Variants in PAPSS2 observed in about 807,000 individuals in gnomAD.
PAPSS2 encodes bifunctional 3'-phosphoadenosine 5'-phosphosulfate synthase 2.
In PAPSS2, 61 loss-of-function variants were observed where a neutral mutation model predicts 66.5. The observed-to-expected ratio is 0.92, with a 90% CI of 0.75 to 1.14. PAPSS2 has a LOEUF of 1.14. PAPSS2 is among the 50% of genes most tolerant of loss of function. The probability of loss-of-function intolerance (pLI) is 0.00; values close to 1 mark genes in which losing one functional copy is unlikely to be tolerated. For synonymous variants in PAPSS2, 289 were observed against 287.5 expected (o/e 1.01, Z -0.05); for missense variants, 708 against 789.6 (o/e 0.90, Z 1.24).
chr10:87,734,400 T>C (rs1416724213), intron 9 of PAPSS2, among the ~76,000 whole-genome samples: 2 of 151,946 alleles, frequency 1.3e-5, no homozygotes, highest in Non-Finnish European at 2.9e-5. Flanking sequence ...TTCATACCTG[T>C]GACAGGTGAA....
At chr10:87,681,523 C>G (rs886483915) in intron 1 of PAPSS2, among the ~76,000 whole-genome samples, 9 of 152,098 alleles carry the variant, frequency 5.9e-5, no homozygotes, top group Non-Finnish European at 1.3e-4. Context: ...AATGAAAAGA[C>G]TTTTCTTAGA....
chr10:87,713,284 AC>A lies in PAPSS2; in HGVS notation c.357del (p.Ser120AlafsTer29). 1 of 1,360,958 alleles carries A rather than the reference AC, an allele frequency of 7.3e-7. No homozygotes were observed. The highest frequency in any genetic ancestry group is 1.0e-6 in the Non-Finnish European group (1 of 980,676). 84.3% of individuals were successfully genotyped at this position (1,360,958 alleles called of 1,614,324 possible). On this transcript the variant is annotated frameshift_variant, in exon 3 of 13. Coordinates refer to ENST00000456849, the MANE Select transcript of PAPSS2 (RefSeq NM_001015880.2). LOFTEE classifies it high-confidence loss of function. ...LFADAGLVCI[T>X]SFISPFAKDR... Reference sequence around the variant, plus strand: ...TGCTGATGCTGGTCTGGTCTGCATTACCAGCTTTATTTCTCCATTCGCAAAG... The same window carrying A: ...TGCTGATGCTGGTCTGGTCTGCATTACAGCTTTATTTCTCCATTCGCAAAG...
At chr10:87,712,158 C>T (rs1853469903) in intron 2 of PAPSS2, among the ~76,000 whole-genome samples, 1 of 152,170 alleles carries the variant, frequency 6.6e-6, no homozygotes, top group Non-Finnish European at 1.5e-5. Context: ...ATCTTTACAC[C>T]TAAGAGTGTG....
At chr10:87,696,995 GTAC>G (rs1419777456) in intron 1 of PAPSS2, among the ~76,000 whole-genome samples, 1 of 152,100 alleles carries the variant, frequency 6.6e-6, no homozygotes, top group Admixed American at 6.5e-5. Flanking sequence ...ACTGAAGTCC[GTAC>G]TTTCTTTAGA....
At position 87,701,332 on chromosome 10, in the gene PAPSS2, CTTTCTTTCTTT is replaced by C. The variant is rs1564716693; in HGVS notation, c.28-7863_28-7853del. The stretch of plus-strand genomic sequence containing the variant: ...CCTTCCTTCCTTCCTTCCTTCCTTT[CTTTCTTTCTTT>C]CTTTCTTTCTTTCTTTCTTTCTTTC... On this transcript the variant is annotated intron_variant, in intron 1 of 12. Coordinates refer to ENST00000456849, the MANE Select transcript of PAPSS2 (RefSeq NM_001015880.2). Among the ~76,000 whole-genome samples, 294 of 50,982 alleles carry C rather than the reference CTTTCTTTCTTT, an allele frequency of 5.8e-3. 1 individual carries two copies. Among genetic ancestry groups the C allele is most frequent in the Middle Eastern group, 8.8e-3 (1 of 114 alleles). The allele number at this position is 50,982 out of a possible 152,430, so 33.4% of individuals were successfully genotyped here.
At chr10:87,729,272 C>T (rs1853699722) in intron 9 of PAPSS2, among the ~76,000 whole-genome samples, 1 of 151,442 alleles carries the variant, frequency 6.6e-6, no homozygotes, top group African/African-American at 2.4e-5. Context: ...TTTGTGTCAA[C>T]CCTGCACTGA....
chr10:87,678,425 TA>T (rs1432083513), intron 1 of PAPSS2, among the ~76,000 whole-genome samples: 1 of 152,114 alleles, frequency 6.6e-6, no homozygotes, highest in Admixed American at 6.6e-5. Flanking sequence ...CATAGACACC[TA>T]AAACGAAAAT....
intron 1 of PAPSS2, among the ~76,000 whole-genome samples, chr10:87,703,174 A>C (rs975996864): frequency 2.0e-5 from 3 of 152,202 alleles, no homozygotes; most frequent in African/African-American, 7.2e-5. Flanking sequence ...GGACAAGGGC[A>C]GTAAGTTTGC....
chr10:87,725,865 T>A (rs1037132853), intron 8 of PAPSS2, among the ~76,000 whole-genome samples: 1 of 118,896 alleles, frequency 8.4e-6, no homozygotes, highest in Non-Finnish European at 1.7e-5. Context: ...CCAGCTAATT[T>A]AAAAAAAATA....
At chr10:87,679,958 C>T (rs1852998250) in intron 1 of PAPSS2, among the ~76,000 whole-genome samples, 1 of 148,714 alleles carries the variant, frequency 6.7e-6, no homozygotes, top group Admixed American at 6.8e-5. Context: ...ACTCGAAGGT[C>T]AAGGCTGCAG....
At chr10:87,718,399 T>C (rs1255025416) in intron 7 of PAPSS2, among the ~76,000 whole-genome samples, 2 of 152,180 alleles carry the variant, frequency 1.3e-5, no homozygotes, top group Non-Finnish European at 2.9e-5. Context: ...TTATTATTGC[T>C]CCCACTTTCC....
intron 1 of PAPSS2, among the ~76,000 whole-genome samples, chr10:87,679,427 G>A (rs955031623): frequency 3.9e-5 from 6 of 152,198 alleles, no homozygotes; most frequent in Non-Finnish European, 8.8e-5. Context: ...AGCTGGAAGT[G>A]AGGACTGGAA....
At chr10:87,739,892 C>G (rs193085342) in intron 9 of PAPSS2, among the ~76,000 whole-genome samples, 2 of 152,184 alleles carry the variant, frequency 1.3e-5, no homozygotes, top group Non-Finnish European at 2.9e-5. Flanking sequence ...CTTGAGTCCC[C>G]GTCTTTTTAG....
At chr10:87,715,470 T>G (rs1397943641) in intron 6 of PAPSS2, among the ~76,000 whole-genome samples, 4 of 152,242 alleles carry the variant, frequency 2.6e-5, no homozygotes, top group Non-Finnish European at 5.9e-5. Context: ...CAGTTGCACA[T>G]TTTGGGAATA....
At chr10:87,709,615 G>A (rs1007022300) in intron 2 of PAPSS2, among the ~76,000 whole-genome samples, 2 of 152,122 alleles carry the variant, frequency 1.3e-5, no homozygotes, top group Non-Finnish European at 2.9e-5. Flanking sequence ...CAGTGCTAAG[G>A]GATTCAATAA....
At chr10:87,709,877 T>C (rs7907791) in intron 2 of PAPSS2, among the ~76,000 whole-genome samples, 77,195 of 152,072 alleles carry the variant, frequency 0.51, 20,601 homozygotes, top group East Asian at 0.72. Flanking sequence ...AGAAATAACT[T>C]GCTGCTGCTG....
chr10:87,726,554 T>C (rs904252746), intron 8 of PAPSS2, among the ~76,000 whole-genome samples: 4 of 152,224 alleles, frequency 2.6e-5, no homozygotes, highest in Non-Finnish European at 5.9e-5. Context: ...GATGTGATTA[T>C]TATGCATTGT....
intron 9 of PAPSS2, among the ~76,000 whole-genome samples, chr10:87,740,036 T>C (rs938597853): frequency 5.3e-5 from 8 of 152,190 alleles, no homozygotes; most frequent in African/African-American, 1.9e-4. Context: ...TTTTTTTTCA[T>C]GGATCACCAT....
intron 7 of PAPSS2, among the ~76,000 whole-genome samples, chr10:87,721,540 G>A (rs1853599049): frequency 6.6e-6 from 1 of 152,082 alleles, no homozygotes; most frequent in Non-Finnish European, 1.5e-5. Context: ...CAATGCTTTT[G>A]GATTGTATTG....
Sources: allele counts gnomAD v4.1 joint callset (sites outside exome capture counted in the v4.1 genomes callset), GRCh38; gene constraint gnomAD v4.1.1; transcripts MANE v1.5; gene names NCBI Gene and HGNC (gene_info 2026-07-23, HGNC 2026-07-21).